Variants in CPSF3 observed in about 807,000 individuals in gnomAD.
The protein encoded by CPSF3 is cleavage and polyadenylation specificity factor subunit 3.
In CPSF3, 57 loss-of-function variants were observed where a neutral mutation model predicts 84.1. That is an observed-to-expected ratio of 0.68 (90% CI 0.55 to 0.85). The LOEUF (loss-of-function observed/expected upper bound fraction) is 0.85, where lower values mean the gene tolerates loss of function less well. CPSF3 is among the 40% of genes least tolerant of loss of function. The probability of loss-of-function intolerance (pLI) is 0.00; values close to 1 mark genes in which losing one functional copy is unlikely to be tolerated. For synonymous variants in CPSF3, 275 were observed against 278.1 expected, an observed-to-expected ratio of 0.99 and a Z score of 0.11; for missense variants, 522 against 838.8, an observed-to-expected ratio of 0.62 and a Z score of 4.66.
intron 10 of CPSF3, among the ~76,000 whole-genome samples, chr2:9,444,215 G>A (rs567626435): frequency 9.2e-5 from 13 of 141,940 alleles, no homozygotes; most frequent in African/African-American, 2.4e-4. Context: ...CTGCAACTCC[G>A]CCTCCCGGGT....
At chr2:9,466,479 C>T (rs1230185266) in intron 15 of CPSF3, among the ~76,000 whole-genome samples, 1 of 152,206 alleles carries the variant, frequency 6.6e-6, no homozygotes, top group Non-Finnish European at 1.5e-5. Flanking sequence ...TGCATGTAGT[C>T]CCAGCTACCT....
At position 9,440,487 on chromosome 2, in the gene CPSF3, CT is replaced by C. The variant is rs1356733145; in HGVS notation, c.761-3del. On this transcript the variant is annotated splice_region_variant and splice_polypyrimidine_tract_variant and intron_variant, in intron 7 of 17. Coordinates refer to ENST00000238112, the MANE Select transcript of CPSF3 (RefSeq NM_016207.4). The stretch of plus-strand genomic sequence containing the variant: ...GATGTTTGTTTCTTGCAAAATCTCT[CT>C]AGATGAGTACTGGCAGAATCACCCA... The C allele has an allele frequency of 6.2e-7, 1 of 1,611,024 alleles. No individual in the cohort carries two copies. Among genetic ancestry groups the C allele is most frequent in the African/African-American group, 1.3e-5 (1 of 74,890 alleles).
At chr2:9,444,156 A>ATTTT (rs1455536114) in intron 10 of CPSF3, among the ~76,000 whole-genome samples, 6 of 134,860 alleles carry the variant, frequency 4.4e-5, no homozygotes, top group African/African-American at 1.3e-4. Context: ...ATATATATAT[A>ATTTT]TATTTTTTTT....
intron 9 of CPSF3, among the ~76,000 whole-genome samples, chr2:9,443,195 C>T (rs554816736): frequency 3.9e-5 from 6 of 152,090 alleles, no homozygotes; most frequent in Non-Finnish European, 8.8e-5. Flanking sequence ...GAAATATATC[C>T]ACATATCTAG....
At chr2:9,457,661 A>C (rs1421769906) in intron 14 of CPSF3, among the ~76,000 whole-genome samples, 1 of 152,174 alleles carries the variant, frequency 6.6e-6, no homozygotes, top group Non-Finnish European at 1.5e-5. Context: ...TGAATAGTCC[A>C]GGGAGGTACC....
intron 11 of CPSF3, among the ~76,000 whole-genome samples, chr2:9,451,929 G>T (rs1346764988): frequency 6.6e-6 from 1 of 151,972 alleles, no homozygotes; most frequent in Non-Finnish European, 1.5e-5. Flanking sequence ...TATTGGCCAG[G>T]ATGGTCTCAA....
chr2:9,448,131 C>A (rs1019323871), intron 10 of CPSF3, 67 bp from the exon 11 acceptor site: 5 of 821,268 alleles, frequency 6.1e-6, no homozygotes, highest in Non-Finnish European at 9.1e-6. Context: ...ATATTTAATT[C>A]AACTTAAGGA....
rs775533765 is a variant in CPSF3, at chr2:9,452,896, GTAT to G, written c.1396-15_1396-13del. ...TTTTACCAGGTTCTATTTTCTTCAA[GTAT>G]TTTTTTTTTACAGGTTATGGGATTT... On this transcript the variant is annotated splice_polypyrimidine_tract_variant and intron_variant, in intron 11 of 17. Transcript: ENST00000238112. The G allele has an allele frequency of 6.5e-7, 1 of 1,539,154 alleles. No individual in the cohort carries two copies. The highest frequency in any genetic ancestry group is 1.2e-5 in the South Asian group (1 of 84,014).
chr2:9,450,316 T>C (rs1042609468), intron 11 of CPSF3, among the ~76,000 whole-genome samples: 1 of 151,962 alleles, frequency 6.6e-6, no homozygotes, highest in South Asian at 2.1e-4. Flanking sequence ...CACGCCCGGC[T>C]AATTTTTTTT....
intron 1 of CPSF3, among the ~76,000 whole-genome samples, chr2:9,428,248 C>T (rs1360561401): frequency 2.0e-5 from 3 of 151,742 alleles, no homozygotes; most frequent in Non-Finnish European, 4.4e-5. Flanking sequence ...CTGCCTGCCT[C>T]GGCCTCCCAA....
Position 9,425,620 on chromosome 2 carries a change from G to C in CPSF3, c.50+1797G>C, listed in dbSNP as rs549887892. On this transcript the variant is annotated intron_variant, in intron 1 of 17. Coordinates refer to ENST00000238112, the MANE Select transcript of CPSF3 (RefSeq NM_016207.4). ...GAAGGCAGGGCAGAGAGGATGTTAT[G>C]ATCAGATTCCTAAGTTTGGCAGTTG... Among the ~76,000 whole-genome samples, 95 of 152,254 alleles carry C rather than the reference G, an allele frequency of 6.2e-4. 2 individuals are homozygous for C. The highest frequency in any genetic ancestry group is 6.8e-3 in the Middle Eastern group (2 of 294).
intron 11 of CPSF3, among the ~76,000 whole-genome samples, chr2:9,448,579 A>G (rs142599407): frequency 6.6e-6 from 1 of 151,956 alleles, no homozygotes; most frequent in African/African-American, 2.4e-5. Flanking sequence ...TGTGTGTGAG[A>G]CGGAGTCTCG....
At chr2:9,432,757 T>C (rs1680634146) in intron 5 of CPSF3, 69 bp downstream of exon 5, 1 of 1,264,856 alleles carries the variant, frequency 7.9e-7, no homozygotes, top group Admixed American at 3.0e-5. Context: ...CCAAGTACTA[T>C]TAAAAAAAAA....
At position 9,458,055 on chromosome 2, in the gene CPSF3, C is replaced by T. The variant is rs116703224; in HGVS notation, c.1698+1028C>T. 5.9e-3 allele frequency among the ~76,000 whole-genome samples: 892 copies of T among 152,190 alleles called. 16 individuals are homozygous for T. The highest frequency in any genetic ancestry group is 0.021 in the African/African-American group (853 of 41,524). Reference sequence around the variant, plus strand: ...AAAAAAGATTTGTCAGCTTTGGTCCCGATGCAATTCTGTGATTTAAGTCTA... The same window carrying T: ...AAAAAAGATTTGTCAGCTTTGGTCCTGATGCAATTCTGTGATTTAAGTCTA... On this transcript the variant is annotated intron_variant, in intron 14 of 17. Coordinates refer to ENST00000238112, the MANE Select transcript of CPSF3 (RefSeq NM_016207.4).
intron 8 of CPSF3, 86 bp downstream of exon 8, chr2:9,440,752 C>T (rs150213772): frequency 1.5e-6 from 2 of 1,357,330 alleles, no homozygotes; most frequent in East Asian, 4.7e-5. Flanking sequence ...AGTGATGGCT[C>T]ACAGCTGTAA....
At chr2:9,438,006 A>G (rs998221258) in intron 7 of CPSF3, among the ~76,000 whole-genome samples, 3 of 152,252 alleles carry the variant, frequency 2.0e-5, no homozygotes, top group African/African-American at 7.2e-5. Flanking sequence ...TGTCTCAAAA[A>G]AAAGCAAATA....
intron 12 of CPSF3, 140 bp from the exon 13 acceptor site, chr2:9,455,519 G>A (rs538118025): frequency 3.3e-6 from 2 of 612,228 alleles, no homozygotes; most frequent in East Asian, 5.7e-5. Context: ...AATGTAAGGT[G>A]GTACCAAATT....
intron 15 of CPSF3, among the ~76,000 whole-genome samples, chr2:9,465,568 C>CAT (rs1299043657): frequency 5.7e-5 from 8 of 139,322 alleles, no homozygotes; most frequent in South Asian, 4.7e-4. Context: ...CACACACGCG[C>CAT]GCGCGTTTAT....
chr2:9,435,182 G>T (rs1355802748), intron 6 of CPSF3, among the ~76,000 whole-genome samples: 1 of 152,174 alleles, frequency 6.6e-6, no homozygotes, highest in Non-Finnish European at 1.5e-5. Flanking sequence ...CTTCTGATAA[G>T]CTCCCAAGGG....
Sources: allele counts gnomAD v4.1 joint callset (sites outside exome capture counted in the v4.1 genomes callset), GRCh38; gene constraint gnomAD v4.1.1; transcripts MANE v1.5; gene names NCBI Gene and HGNC (gene_info 2026-07-23, HGNC 2026-07-21).